Variants in BTBD9 observed in about 807,000 individuals in gnomAD.
The protein encoded by BTBD9 is BTB domain containing 9, also known as BTB/POZ domain-containing protein 9.
A neutral mutation model predicts 64.3 loss-of-function variants in BTBD9; 49 were observed. That is an observed-to-expected ratio of 0.76 (90% CI 0.61 to 0.97). The LOEUF (loss-of-function observed/expected upper bound fraction) is 0.97. Among genes scored for constraint, BTBD9 ranks in the 50% least tolerant of loss-of-function variants. The pLI is 0.00. For missense variants in BTBD9, 598 were observed against 762.1 expected, an observed-to-expected ratio of 0.78 and a Z score of 2.53; for synonymous variants, 260 against 274.7, an observed-to-expected ratio of 0.95 and a Z score of 0.53.
In BTBD9 at chr6:38,571,194, C is replaced by T. The variant is rs139100913; in HGVS notation, c.1154+6406G>A. On this transcript the variant is annotated intron_variant, in intron 6 of 10. Coordinates refer to ENST00000481247, the MANE Select transcript of BTBD9 (RefSeq NM_001099272.2). ...TTCAGTCATAAGAAGAAAGTAAAGG[C>T]TCAGTATTATTCTAGCTAGGATTCT... Among the ~76,000 whole-genome samples the T allele has an allele frequency of 6.6e-3, 1,005 of 152,284 alleles. 2 individuals are homozygous for T. Among genetic ancestry groups the T allele is most frequent in the Non-Finnish European group, 0.011 (742 of 68,010 alleles).
chr6:38,420,831 G>C (rs530747977), intron 6 of BTBD9, among the ~76,000 whole-genome samples: 2 of 152,130 alleles, frequency 1.3e-5, no homozygotes, highest in African/African-American at 4.8e-5. Flanking sequence ...ACTCTAGCTT[G>C]GCAACAGAGT....
At chr6:38,528,151 G>C (rs1773596184) in intron 6 of BTBD9, among the ~76,000 whole-genome samples, 1 of 152,084 alleles carries the variant, frequency 6.6e-6, no homozygotes, top group Non-Finnish European at 1.5e-5. Context: ...CTTTGCATTG[G>C]AACTCAGTGC....
At chr6:38,323,774 T>C (rs746469924) in intron 7 of BTBD9, among the ~76,000 whole-genome samples, 2 of 152,186 alleles carry the variant, frequency 1.3e-5, no homozygotes, top group Non-Finnish European at 2.9e-5. Context: ...AAGCATGTGA[T>C]TCACCAAATC....
At position 38,322,148 on chromosome 6, in the gene BTBD9, C is replaced by T. The variant is rs766206381; in HGVS notation, c.1264+22836G>A. 2.0e-5 allele frequency among the ~76,000 whole-genome samples: 3 copies of T among 152,030 alleles called. No individual in the cohort carries two copies. The East Asian group carries it at 5.8e-4, about 29-fold the overall frequency. On this transcript the variant is annotated intron_variant, in intron 7 of 10. Coordinates refer to ENST00000481247, the MANE Select transcript of BTBD9 (RefSeq NM_001099272.2). ...TCCTCAGCTGTTAAGTCAGTCAGTGCAGCAAAATCAGCATTCTGGCTGATA... is the reference window on the plus strand; with the variant it reads ...TCCTCAGCTGTTAAGTCAGTCAGTGTAGCAAAATCAGCATTCTGGCTGATA...
intron 8 of BTBD9, among the ~76,000 whole-genome samples, chr6:38,287,743 T>C (rs1371393192): frequency 6.6e-6 from 1 of 152,202 alleles, no homozygotes; most frequent in African/African-American, 2.4e-5. Flanking sequence ...TGACTGTATA[T>C]CCTCTGAGGG....
intron 8 of BTBD9, among the ~76,000 whole-genome samples, chr6:38,266,290 C>T (rs1488915678): frequency 6.6e-6 from 1 of 152,080 alleles, no homozygotes; most frequent in Non-Finnish European, 1.5e-5. Context: ...TGAAAATTCT[C>T]AGCCAGGCAC....
intron 6 of BTBD9, among the ~76,000 whole-genome samples, chr6:38,495,749 G>A (rs1030494881): frequency 8.1e-5 from 11 of 136,408 alleles, no homozygotes; most frequent in East Asian, 6.1e-4. Flanking sequence ...TCAAATGACC[G>A]TGCAGGTGCA....
chr6:38,408,524 T>C (rs574239124), intron 6 of BTBD9, among the ~76,000 whole-genome samples: 15 of 152,320 alleles, frequency 9.8e-5, no homozygotes, highest in Non-Finnish European at 1.5e-4. Context: ...TTTGCTCGGG[T>C]TGAAATAATT....
rs549967474 is a variant in BTBD9, at chr6:38,172,277, G to A, written c.*2708C>T. The A allele has an allele frequency of 6.6e-6, 1 of 152,546 alleles. No homozygotes were observed. Among genetic ancestry groups the A allele is most frequent in the African/African-American group, 2.4e-5 (1 of 41,604 alleles). 9.4% of individuals were successfully genotyped at this position (152,546 alleles called of 1,614,324 possible). A position where few individuals can be genotyped will look rare whatever the true frequency, so the allele number is the denominator to read the frequency against. ...CATCAGCACTTGCTTTTAGCTTCAA[G>A]TGTTTAGGTCGCTTTGGTCCTGGTG... On this transcript the variant is annotated 3_prime_UTR_variant, in exon 11 of 11. Transcript: ENST00000481247.
intron 6 of BTBD9, among the ~76,000 whole-genome samples, chr6:38,403,346 C>T (rs1767028912): frequency 6.6e-6 from 1 of 152,020 alleles, no homozygotes; most frequent in African/African-American, 2.4e-5. Flanking sequence ...TATCTTAAAA[C>T]TCAACAATTT....
chr6:38,360,200 T>G (rs566711250), intron 6 of BTBD9, among the ~76,000 whole-genome samples: 1 of 152,320 alleles, frequency 6.6e-6, no homozygotes, highest in South Asian at 2.1e-4. Flanking sequence ...CTCAATTTCC[T>G]CATCTGTAAA....
At chr6:38,522,114 C>T (rs911814837) in intron 6 of BTBD9, among the ~76,000 whole-genome samples, 9 of 152,304 alleles carry the variant, frequency 5.9e-5, no homozygotes, top group African/African-American at 1.4e-4. Context: ...TCGCAGGCTC[C>T]GTCTTATCCT....
At chr6:38,303,987 A>G (rs1582197679) in intron 7 of BTBD9, among the ~76,000 whole-genome samples, 2 of 147,918 alleles carry the variant, frequency 1.4e-5, no homozygotes, top group African/African-American at 5.0e-5. Context: ...ATAGCATACT[A>G]TTCTTTCTAC....
At chr6:38,438,058 CGA>C (rs1173758600) in intron 6 of BTBD9, among the ~76,000 whole-genome samples, 1 of 151,428 alleles carries the variant, frequency 6.6e-6, no homozygotes, top group Non-Finnish European at 1.5e-5. Flanking sequence ...GGATACGAAG[CGA>C]GGATATTTTC....
At chr6:38,395,144 C>G (rs1766610428) in intron 6 of BTBD9, among the ~76,000 whole-genome samples, 1 of 151,998 alleles carries the variant, frequency 6.6e-6, no homozygotes, top group South Asian at 2.1e-4. Flanking sequence ...TAAAAGAGGC[C>G]AGAGAGCCAG....
At chr6:38,450,868 G>T (rs948083312) in intron 6 of BTBD9, among the ~76,000 whole-genome samples, 4 of 152,272 alleles carry the variant, frequency 2.6e-5, no homozygotes, top group Non-Finnish European at 4.4e-5. Context: ...TACACTCAAG[G>T]TTAATAACTA....
intron 6 of BTBD9, among the ~76,000 whole-genome samples, chr6:38,423,870 G>A (rs78109360): frequency 0.048 from 7,231 of 151,802 alleles, 265 homozygotes; most frequent in Admixed American, 0.072. Flanking sequence ...ATGAATAAGC[G>A]ACTATATTTT....
intron 4 of BTBD9, among the ~76,000 whole-genome samples, chr6:38,582,293 T>C (rs11964942): frequency 0.016 from 2,471 of 152,352 alleles, 68 homozygotes; most frequent in African/African-American, 0.056. Context: ...ATATTCTTCC[T>C]ATTTAACAAA....
chr6:38,601,473 T>C (rs1312426369), intron 1 of BTBD9, among the ~76,000 whole-genome samples: 1 of 152,070 alleles, frequency 6.6e-6, no homozygotes, highest in East Asian at 1.9e-4. Context: ...TTTGGGAGGC[T>C]AAGATATGCA....
Sources: gnomAD v4.1 joint callset for allele counts (sites outside exome capture counted in the v4.1 genomes callset) on GRCh38, gnomAD v4.1.1 for gene constraint, MANE v1.5 for transcripts, NCBI Gene and HGNC (gene_info 2026-07-23, HGNC 2026-07-21) for gene names.